The following ABCA6 variants were observed in gnomAD, a reference collection of about 807,000 sequenced individuals.
ABCA6 encodes ATP-binding cassette sub-family A member 6.
ABCA6 carries 164 observed loss-of-function variants against 191.2 expected under a neutral mutation model. The ratio of observed to expected loss-of-function variants is 0.86; its 90% confidence interval spans 0.76 to 0.98. The LOEUF (loss-of-function observed/expected upper bound fraction) is 0.98, where lower values mean the gene tolerates loss of function less well. ABCA6 is among the 50% of genes least tolerant of loss of function. ABCA6 has a pLI of 0.00. For synonymous variants in ABCA6, 636 were observed against 647.7 expected, an observed-to-expected ratio of 0.98 and a Z score of 0.27; for missense variants, 1,958 against 1,894.1, an observed-to-expected ratio of 1.03 and a Z score of -0.63.
Position 69,091,233 on chromosome 17 carries a change from TA to T in ABCA6, c.3437del (p.Leu1146Ter). The T allele has an allele frequency of 1.2e-6, 2 of 1,611,974 alleles. No homozygotes were observed. The highest frequency in any genetic ancestry group is 1.7e-6 in the Non-Finnish European group (2 of 1,179,506). On this transcript the variant is annotated frameshift_variant, in exon 26 of 39. Coordinates refer to ENST00000284425, the MANE Select transcript of ABCA6 (RefSeq NM_080284.3). LOFTEE classifies it high-confidence loss of function. ...FASTIMFSIT[L>X]INHFDLSILI... Reference sequence around the variant, plus strand: ...ATATACTTAGGTCAAAATGATTGATTAAAGTGATGGAAAACATGATGGTGGA... The same window carrying T: ...ATATACTTAGGTCAAAATGATTGATTAAGTGATGGAAAACATGATGGTGGA...
At position 69,128,820 on chromosome 17, in the gene ABCA6, G is replaced by A; in HGVS notation, c.934-16C>T. 4 of 1,554,436 alleles carry A rather than the reference G, an allele frequency of 2.6e-6. No individual in the cohort carries two copies. Among genetic ancestry groups the A allele is most frequent in the Non-Finnish European group, 2.6e-6 (3 of 1,151,958 alleles). ...CCAAAGCTACCTGCAAGAGAGAGAA[G>A]ACATTCAGCTGTTATAAAAAATATT... On this transcript the variant is annotated splice_polypyrimidine_tract_variant and intron_variant, in intron 7 of 38. Coordinates refer to ENST00000284425, the MANE Select transcript of ABCA6 (RefSeq NM_080284.3).
chr17:69,136,329 C>G, intron 3 of ABCA6, 79 bp from the exon 4 acceptor site: 2 of 1,091,754 alleles, frequency 1.8e-6, no homozygotes, highest in Non-Finnish European at 2.5e-6. Flanking sequence ...CAACTGTTTC[C>G]CCATATAATT....
In ABCA6 at chr17:69,084,547, G is replaced by T. The variant is rs759727121; in HGVS notation, c.4185-40C>A. The T allele has an allele frequency of 1.9e-6, 3 of 1,601,384 alleles. No individual in the cohort carries two copies. The South Asian group carries it at 3.3e-5, about 18-fold the overall frequency. On this transcript the variant is annotated intron_variant, in intron 32 of 38. Coordinates refer to ENST00000284425, the MANE Select transcript of ABCA6 (RefSeq NM_080284.3). ...AATGAGAATATCTGGTCAAGACAAG[G>T]TTTTTGGAAAATCCAAGCACACAGA...
rs1235535471 is a variant in ABCA6, at chr17:69,096,280, C to T, written c.3368G>A (p.Arg1123Lys). The part of the protein sequence containing the change: ...IYMISFIFRK[R>K]RKNSGLWSFY... The stretch of plus-strand genomic sequence containing the variant: ...TGACCAAAGGCCACTGTTTTTTCTC[C>T]TTTTGCGAAAAATAAATGATATCAT... The change falls in exon 25 of 39, where the codon AGG (arginine) becomes AAG (lysine). Residue 1123 changes from arginine to lysine, a missense_variant. Physicochemically the swap from Arg to Lys is conservative, Grantham distance 26 (BLOSUM62 2). Transcript: ENST00000284425. 2 of 1,534,582 alleles carry T rather than the reference C, an allele frequency of 1.3e-6. No homozygotes were observed. Among genetic ancestry groups the T allele is most frequent in the Non-Finnish European group, 8.8e-7 (1 of 1,140,842 alleles).
At position 69,087,258 on chromosome 17, in the gene ABCA6, C is replaced by T; in HGVS notation, c.3819+95G>A. On this transcript the variant is annotated intron_variant, in intron 29 of 38. Transcript: ENST00000284425. ...GCATAATACAGAAATGCACCAAACT[C>T]CAAACTCTCAAAATGAAACCCAGTG... The T allele has an allele frequency of 2.6e-6, 4 of 1,511,938 alleles. No homozygotes were observed. The South Asian group carries it at 5.2e-5, about 20-fold the overall frequency. 93.7% of individuals were successfully genotyped at this position (1,511,938 alleles called of 1,614,324 possible). A position where few individuals can be genotyped will look rare whatever the true frequency, so the allele number is the denominator to read the frequency against.
intron 10 of ABCA6, among the ~76,000 whole-genome samples, chr17:69,119,815 T>C (rs2073608101): frequency 6.6e-6 from 1 of 152,094 alleles, no homozygotes; most frequent in African/African-American, 2.4e-5. Context: ...AGAATGTTCA[T>C]TGCAACATCA....
In ABCA6 at chr17:69,086,617, C is replaced by G; in HGVS notation, c.3937+1G>C. On this transcript the variant is annotated splice_donor_variant, in intron 30 of 38. Transcript: ENST00000284425. LOFTEE classifies it high-confidence loss of function. ...AAGTTTTAAAAGGGATTATTACAGA[C>G]CTTCTTGAACACAGAAAGAGATATT... 6.3e-7 allele frequency: 1 copy of G among 1,599,726 alleles called. No individual in the cohort carries two copies. The highest frequency in any genetic ancestry group is 8.6e-7 in the Non-Finnish European group (1 of 1,168,424).
intron 32 of ABCA6, 71 bp downstream of exon 32, chr17:69,084,957 T>C (rs1370524856): frequency 7.3e-6 from 11 of 1,496,898 alleles, no homozygotes; most frequent in Non-Finnish European, 9.8e-6. Context: ...GGTTCTTTAT[T>C]AGTGAATTCA....
Position 69,085,694 on chromosome 17 carries a change from T to C in ABCA6, c.3960A>G (p.Gly1320=). 1 of 1,607,974 alleles carries C rather than the reference T, an allele frequency of 6.2e-7. No individual in the cohort carries two copies. Among genetic ancestry groups the C allele is most frequent in the Non-Finnish European group, 8.5e-7 (1 of 1,176,462 alleles). ...VQEGEILGLL[G]PNGAGKSSSI... is the part of the protein sequence containing the mutation. Reference sequence around the variant, plus strand: ...ATGAACTTTTTCCAGCACCATTGGGTCCTAGCAATCCCAAAATTTCACCTG... The same window carrying C: ...ATGAACTTTTTCCAGCACCATTGGGCCCTAGCAATCCCAAAATTTCACCTG... The change falls in exon 31 of 39, where the codon GGA becomes GGG. Residue 1320 remains glycine, a synonymous_variant. Transcript: ENST00000284425.
rs1351785243 is a variant in ABCA6 at position 69,084,462 on chromosome 17, C to T, written c.4230G>A (p.Val1410=). 2 of 1,614,072 alleles carry T rather than the reference C, an allele frequency of 1.2e-6. No individual in the cohort carries two copies. Among genetic ancestry groups the T allele is most frequent in the Non-Finnish European group, 1.7e-6 (2 of 1,180,030 alleles). Residue 1410 remains valine, a synonymous_variant, in exon 33 of 39, where the codon GTG becomes GTA. Transcript: ENST00000284425. ...TCGTGATTCCTGCTGTTAATTTCTG[C>T]ACAGGAACATTCAGCTGCTCATGCA... ...FKLHEQLNVP[V]QKLTAGITRK...
chr17:69,126,162 T>C (rs549081167), intron 8 of ABCA6, among the ~76,000 whole-genome samples: 1 of 152,078 alleles, frequency 6.6e-6, no homozygotes, highest in African/African-American at 2.4e-5. Flanking sequence ...CAGAAAAATA[T>C]TGGGTTTAGT....
At chr17:69,119,860 AT>A (rs1372397306) in intron 10 of ABCA6, among the ~76,000 whole-genome samples, 2 of 152,064 alleles carry the variant, frequency 1.3e-5, no homozygotes, top group Non-Finnish European at 2.9e-5. Context: ...CAACTAGAAT[AT>A]TTTTCAATGT....
intron 17 of ABCA6, 120 bp downstream of exon 17, chr17:69,110,681 G>T: frequency 8.5e-7 from 1 of 1,177,612 alleles, no homozygotes. Context: ...CTTGAGTTCT[G>T]CTTCTCAGGT....
intron 1 of ABCA6, among the ~76,000 whole-genome samples, chr17:69,141,371 T>G (rs1334402919): frequency 6.6e-6 from 1 of 152,022 alleles, no homozygotes; most frequent in East Asian, 1.9e-4. Flanking sequence ...GAATAACTAA[T>G]GAAACTACAA....
intron 34 of ABCA6, 62 bp from the exon 35 acceptor site, chr17:69,083,393 A>G: frequency 6.7e-7 from 1 of 1,483,378 alleles, no homozygotes; most frequent in Non-Finnish European, 9.0e-7. Context: ...AAAAAAAGAT[A>G]AAATACAATA....
intron 19 of ABCA6, 192 bp from the exon 20 acceptor site, chr17:69,105,820 C>T (rs997874996): frequency 1.9e-5 from 14 of 722,772 alleles, no homozygotes; most frequent in Non-Finnish European, 3.1e-5. Context: ...ACCAGGTTAT[C>T]AAACCATGAA....
chr17:69,135,190 A>G (rs2073929645), intron 4 of ABCA6: 1 of 154,204 alleles, frequency 6.5e-6, no homozygotes, highest in Admixed American at 6.5e-5. Flanking sequence ...CCACCAGTAG[A>G]CTTTTAACTA....
intron 21 of ABCA6, 114 bp from the exon 22 acceptor site, chr17:69,101,048 A>G: frequency 1.1e-6 from 1 of 881,474 alleles, no homozygotes; most frequent in East Asian, 2.6e-5. Context: ...TCCATCTTCA[A>G]GTGAACTAAA....
At chr17:69,130,143 C>T (rs918699726) in intron 6 of ABCA6, among the ~76,000 whole-genome samples, 40 of 151,922 alleles carry the variant, frequency 2.6e-4, no homozygotes, top group Non-Finnish European at 4.0e-4. Flanking sequence ...TGGTGAAACC[C>T]GTCTCTACTA....
Sources: allele counts gnomAD v4.1 joint callset (sites outside exome capture counted in the v4.1 genomes callset), GRCh38; gene constraint gnomAD v4.1.1; transcripts MANE v1.5; gene names NCBI Gene and HGNC (gene_info 2026-07-23, HGNC 2026-07-21).